The following DLG2 variants were observed in gnomAD, a reference collection of about 807,000 sequenced individuals.
The protein encoded by DLG2 is discs large MAGUK scaffold protein 2.
Under a neutral mutation model 132.5 loss-of-function variants are expected in DLG2, and 45 were observed. The observed-to-expected ratio is 0.34, with a 90% CI of 0.27 to 0.44. The LOEUF is 0.44. Among genes scored for constraint, DLG2 ranks in the 20% least tolerant of loss-of-function variants. DLG2 has a pLI of 1.00. For missense variants in DLG2, 1,045 were observed against 1,196.9 expected, an observed-to-expected ratio of 0.87 and a Z score of 1.87; for synonymous variants, 424 against 419.6, an observed-to-expected ratio of 1.01 and a Z score of -0.13.
chr11:83,728,174 G>A (rs7119373), intron 18 of DLG2, among the ~76,000 whole-genome samples: 11,691 of 152,076 alleles, frequency 0.077, 1,544 homozygotes, highest in African/African-American at 0.26. Context: ...CTTATGTCAC[G>A]TTCCCTTAGT....
intron 17 of DLG2, among the ~76,000 whole-genome samples, chr11:83,794,963 TG>T (rs1443772850): frequency 6.6e-6 from 1 of 152,190 alleles, no homozygotes; most frequent in East Asian, 1.9e-4. Context: ...CTCTGCTCTG[TG>T]GTGGTCCAAA....
At chr11:85,331,220 C>T (rs2081714927) in intron 3 of DLG2, among the ~76,000 whole-genome samples, 1 of 151,954 alleles carries the variant, frequency 6.6e-6, no homozygotes. Flanking sequence ...AACTAGCAGG[C>T]CAAAACTGTT....
At chr11:85,252,895 A>G (rs2076470336) in intron 4 of DLG2, among the ~76,000 whole-genome samples, 1 of 152,312 alleles carries the variant, frequency 6.6e-6, no homozygotes, top group East Asian at 1.9e-4. Context: ...CCTTCTAGCA[A>G]TTAAAACTAA....
Position 84,691,519 on chromosome 11 carries a change from A to C in DLG2, c.358-156788T>G, listed in dbSNP as rs574713216. Among the ~76,000 whole-genome samples the C allele has an allele frequency of 5.3e-5, 8 of 152,014 alleles. No individual in the cohort carries two copies. The East Asian group carries it at 1.6e-3, about 29-fold the overall frequency. On this transcript the variant is annotated intron_variant, in intron 6 of 27. Transcript: ENST00000376104. The stretch of plus-strand genomic sequence containing the variant: ...ATACACTTATACACATCAGTTGGTA[A>C]CTACCAATCATTCTTACATATTCAT...
intron 11 of DLG2, among the ~76,000 whole-genome samples, chr11:84,004,469 C>T (rs1237710318): frequency 6.6e-6 from 1 of 151,988 alleles, no homozygotes; most frequent in Non-Finnish European, 1.5e-5. Flanking sequence ...GACTAACACA[C>T]AGCTAACATC....
intron 18 of DLG2, among the ~76,000 whole-genome samples, chr11:83,697,846 C>A (rs78013026): frequency 6.6e-6 from 1 of 152,154 alleles, no homozygotes; most frequent in Admixed American, 6.5e-5. Flanking sequence ...TATTGAGATA[C>A]CAGCTGGTAA....
At chr11:85,069,662 A>G (rs2065497608) in intron 6 of DLG2, among the ~76,000 whole-genome samples, 1 of 152,034 alleles carries the variant, frequency 6.6e-6, no homozygotes, top group Non-Finnish European at 1.5e-5. Context: ...AACAGATGCT[A>G]GAGAGGATGT....
chr11:85,095,309 T>C (rs1356391090), intron 6 of DLG2, among the ~76,000 whole-genome samples: 1 of 152,232 alleles, frequency 6.6e-6, no homozygotes. Context: ...CACAAGATTG[T>C]CACAAATCTT....
chr11:85,541,419 T>C (rs527627987), intron 3 of DLG2, among the ~76,000 whole-genome samples: 2 of 151,620 alleles, frequency 1.3e-5, no homozygotes, highest in East Asian at 3.9e-4. Flanking sequence ...GTGAGGAAAC[T>C]AGGCCTAAAA....
At chr11:83,836,558 T>C (rs566196261) in intron 16 of DLG2, among the ~76,000 whole-genome samples, 1 of 152,346 alleles carries the variant, frequency 6.6e-6, no homozygotes, top group Admixed American at 6.5e-5. Context: ...TAGGGGTTTA[T>C]GTGATTAGGC....
At chr11:85,543,925 C>T (rs893914202) in intron 3 of DLG2, among the ~76,000 whole-genome samples, 3 of 151,886 alleles carry the variant, frequency 2.0e-5, no homozygotes, top group African/African-American at 7.3e-5. Flanking sequence ...AAAATTTTCT[C>T]CCATTCTGTA....
chr11:85,529,996 T>TTG (rs1565642067), intron 3 of DLG2, among the ~76,000 whole-genome samples: 4 of 149,912 alleles, frequency 2.7e-5, no homozygotes, highest in Admixed American at 6.6e-5. Flanking sequence ...TGTTTTTTTT[T>TTG]TTTTTTTTTT....
intron 4 of DLG2, among the ~76,000 whole-genome samples, chr11:85,265,382 T>A (rs2077154763): frequency 6.6e-6 from 1 of 152,220 alleles, no homozygotes; most frequent in Non-Finnish European, 1.5e-5. Context: ...TATATTTATG[T>A]ACAGGCTAAG....
At chr11:85,620,908 CA>C (rs2081647177) in intron 2 of DLG2, among the ~76,000 whole-genome samples, 1 of 152,218 alleles carries the variant, frequency 6.6e-6, no homozygotes, top group Non-Finnish European at 1.5e-5. Context: ...GGCTAAACAA[CA>C]GATTTTCAAT....
intron 19 of DLG2, among the ~76,000 whole-genome samples, chr11:83,549,282 GA>G (rs896148362): frequency 5.3e-5 from 8 of 152,124 alleles, no homozygotes; most frequent in African/African-American, 1.9e-4. Context: ...AATAGTGCAA[GA>G]AGCATAGATG....
chr11:83,993,782 T>C, intron 11 of DLG2, among the ~76,000 whole-genome samples: 1 of 152,178 alleles, frequency 6.6e-6, no homozygotes, highest in East Asian at 1.9e-4. Context: ...CCAAGGTCAT[T>C]AAACACTGAC....
chr11:84,450,423 T>TTC (rs1286679348), intron 7 of DLG2, among the ~76,000 whole-genome samples: 1 of 148,900 alleles, frequency 6.7e-6, no homozygotes, highest in Non-Finnish European at 1.5e-5. Context: ...TTTTTTTTTT[T>TTC]CCAGAAGAAA....
At chr11:85,307,514 G>A (rs530370815) in intron 3 of DLG2, among the ~76,000 whole-genome samples, 5 of 152,210 alleles carry the variant, frequency 3.3e-5, no homozygotes, top group South Asian at 2.1e-4. Flanking sequence ...TTTAGCAGAC[G>A]TTGGCTAGGT....
chr11:85,532,589 A>G (rs559195438), intron 3 of DLG2, among the ~76,000 whole-genome samples: 1 of 152,392 alleles, frequency 6.6e-6, no homozygotes, highest in Admixed American at 6.5e-5. Context: ...TGTATGGTCT[A>G]CAGATAGAAC....
Sources: allele counts gnomAD v4.1 joint callset (sites outside exome capture counted in the v4.1 genomes callset), GRCh38; gene constraint gnomAD v4.1.1; transcripts MANE v1.5; gene names NCBI Gene and HGNC (gene_info 2026-07-23, HGNC 2026-07-21).